MYBBP1A: variants seen among roughly 807,000 people sequenced by gnomAD.
The protein encoded by MYBBP1A is myb-binding protein 1A.
A neutral mutation model predicts 136.3 loss-of-function variants in MYBBP1A; 147 were observed. That is an observed-to-expected ratio of 1.08 (90% confidence interval 0.94 to 1.24). The LOEUF (loss-of-function observed/expected upper bound fraction) is 1.24, where lower values mean the gene tolerates loss of function less well. Among genes scored for constraint, MYBBP1A ranks in the 50% most tolerant of loss-of-function variants. The probability of loss-of-function intolerance (pLI) is 0.00; values close to 1 mark genes in which losing one functional copy is unlikely to be tolerated. For missense variants in MYBBP1A, 2,060 were observed against 1,727.4 expected (o/e 1.19, Z -3.41); for synonymous variants, 947 against 735.8 (o/e 1.29, Z -4.65).
intron 22 of MYBBP1A, 49 bp downstream of exon 22, chr17:4,542,415 G>A: frequency 6.4e-7 from 1 of 1,553,446 alleles, no homozygotes; most frequent in Non-Finnish European, 8.8e-7. Flanking sequence ...AGAGGGTTAA[G>A]CGGGTTAATT....
Position 4,539,076 on chromosome 17 carries a change from A to G in MYBBP1A, c.*339T>C. The G allele has an allele frequency of 7.2e-7, 1 of 1,391,434 alleles. No homozygotes were observed. Among genetic ancestry groups the G allele is most frequent in the Admixed American group, 1.8e-5 (1 of 56,386 alleles). 86.2% of individuals were successfully genotyped at this position (1,391,434 alleles called of 1,614,324 possible). Reference sequence around the variant, plus strand: ...CTCACAGCAAAAAAGCCTGGGGGCAAAGAGGTGGCAGGCACGAGAGATGGT... The same window carrying G: ...CTCACAGCAAAAAAGCCTGGGGGCAGAGAGGTGGCAGGCACGAGAGATGGT... On this transcript the variant is annotated 3_prime_UTR_variant, in exon 26 of 26. Transcript: ENST00000254718.
intron 9 of MYBBP1A, 105 bp from the exon 10 acceptor site, chr17:4,549,547 C>T: frequency 1.0e-6 from 1 of 967,316 alleles, no homozygotes; most frequent in Non-Finnish European, 1.6e-6. Flanking sequence ...GAGGCCAAGG[C>T]TGGCCAATCA....
rs543509319 is a variant in MYBBP1A at position 4,552,968 on chromosome 17, T to C, written c.562-342A>G. Reference sequence around the variant, plus strand: ...CCTGCCTCAGGTGGGATTAAAGGTGTGCGCCATCACACCCAGCTAATTTTT... The same window carrying C: ...CCTGCCTCAGGTGGGATTAAAGGTGCGCGCCATCACACCCAGCTAATTTTT... On this transcript the variant is annotated intron_variant, in intron 5 of 25. Coordinates refer to ENST00000254718, the MANE Select transcript of MYBBP1A (RefSeq NM_014520.4). The surrounding 1 kb of genome is among the most constrained non-coding windows in gnomAD (Gnocchi z 4.7). Among the ~76,000 whole-genome samples the C allele has an allele frequency of 8.6e-5, 13 of 151,934 alleles. No individual in the cohort carries two copies. The highest frequency in any genetic ancestry group is 1.3e-4 in the Non-Finnish European group (9 of 67,980).
Position 4,548,105 on chromosome 17 carries a change from AGC to A in MYBBP1A, c.1724+36_1724+37del. 6.2e-7 allele frequency: 1 copy of A among 1,603,086 alleles called. No individual in the cohort carries two copies. Among genetic ancestry groups the A allele is most frequent in the Non-Finnish European group, 8.5e-7 (1 of 1,178,710 alleles). On this transcript the variant is annotated intron_variant, in intron 12 of 25. Transcript: ENST00000254718. The surrounding 1 kb of genome is among the most constrained non-coding windows in gnomAD (Gnocchi z 4.2). Reference sequence around the variant, plus strand: ...CAGGCCCCTGCACCAGTCAGACTGCAGCGTCCTGCCCACCCCCTGGAAATCCC... The same window carrying A: ...CAGGCCCCTGCACCAGTCAGACTGCAGTCCTGCCCACCCCCTGGAAATCCC...
intron 17 of MYBBP1A, 39 bp from the exon 18 acceptor site, chr17:4,544,960 C>CAG (rs1379893060): frequency 1.9e-6 from 3 of 1,570,642 alleles, no homozygotes; most frequent in Non-Finnish European, 2.6e-6. Context: ...AGGCCTCGGG[C>CAG]AGGCACACAA....
In MYBBP1A at chr17:4,539,748, A is replaced by C; in HGVS notation, c.3654T>G (p.Ala1218=). ...TCCCGTTTGCCTGGGCTGGGACCTT[A>C]GCCTTTGTCCTGTTCCTCTTCTTCC... The part of the protein sequence containing the change: ...MGRKKRNRTK[A]KVPAQANGTP... The change falls in exon 26 of 26, where the codon GCT becomes GCG. Residue 1218 remains alanine, a synonymous_variant. Transcript: ENST00000254718. 1 of 1,612,826 alleles carries C rather than the reference A, an allele frequency of 6.2e-7. No homozygotes were observed. The highest frequency in any genetic ancestry group is 8.5e-7 in the Non-Finnish European group (1 of 1,179,774).
rs1385120763 is a variant in MYBBP1A, at chr17:4,545,116, C to T, written c.2220G>A (p.Gly740=). ...RSSESEEESE[G]EESEEEERDG... ...CGCGCTCCTCCTCCTCGCTCTCCTC[C>T]CCCTCGCTCTCCTCTTCACTCTCTG... The change falls in exon 17 of 26, where the codon GGG becomes GGA. Residue 740 remains glycine, a synonymous_variant. Transcript: ENST00000254718. The T allele has an allele frequency of 1.9e-6, 3 of 1,609,800 alleles. No individual in the cohort carries two copies. Among genetic ancestry groups the T allele is most frequent in the African/African-American group, 2.7e-5 (2 of 74,662 alleles).
rs1567604358 is a variant in MYBBP1A, at chr17:4,542,497, C to A, written c.3054G>T (p.Gln1018His). The change falls in exon 22 of 26, where the codon CAG (glutamine) becomes CAT (histidine). Residue 1018 changes from glutamine to histidine, a missense_variant. Gln to His is a conservative substitution (Grantham distance 24, BLOSUM62 0). Coordinates refer to ENST00000254718, the MANE Select transcript of MYBBP1A (RefSeq NM_014520.4). The stretch of plus-strand genomic sequence containing the variant: ...GGGGCCGCACCGGGCCCGTGATATG[C>A]TGGACCAGGATGGGGAGCAGGCTCT... ...LCQSLLPILV[Q>H]HITGPVRPRH... The A allele has an allele frequency of 1.9e-6, 3 of 1,612,006 alleles. No individual in the cohort carries two copies. The highest frequency in any genetic ancestry group is 1.7e-5 in the Admixed American group (1 of 59,882).
In MYBBP1A at chr17:4,548,157, G is replaced by A. The variant is rs1351213543; in HGVS notation, c.1710C>T (p.Arg570=). ...CACGTGCTCACCGGTCCCAGGCCTG[G>A]CGCTGCTGCGCAGTGAAGGGTGTCA... ...TTVTPFTAQQ[R]QAWDRMLQTL... The change falls in exon 12 of 26, where the codon CGC becomes CGT. Residue 570 remains arginine (R), a synonymous_variant. Transcript: ENST00000254718. The surrounding 1 kb of genome is among the most constrained non-coding windows in gnomAD (Gnocchi z 4.2). 1 of 1,605,092 alleles carries A rather than the reference G, an allele frequency of 6.2e-7. No individual in the cohort carries two copies. The highest frequency in any genetic ancestry group is 2.2e-5 in the East Asian group (1 of 44,878).
rs1422433160 is a variant in MYBBP1A at position 4,542,548 on chromosome 17, A to G, written c.3019-16T>C. The G allele has an allele frequency of 6.2e-7, 1 of 1,612,318 alleles. No homozygotes were observed. Among genetic ancestry groups the G allele is most frequent in the African/African-American group, 1.3e-5 (1 of 74,880 alleles). On this transcript the variant is annotated splice_polypyrimidine_tract_variant and intron_variant, in intron 21 of 25. Coordinates refer to ENST00000254718, the MANE Select transcript of MYBBP1A (RefSeq NM_014520.4). The stretch of plus-strand genomic sequence containing the variant: ...GACAGAGCACCTGGTGGGGAGTGAC[A>G]AGGGCTGTGAGGTGCAGGCTGGGCT...
intron 8 of MYBBP1A, among the ~76,000 whole-genome samples, chr17:4,551,673 C>T (rs535269172): frequency 7.9e-5 from 12 of 152,204 alleles, no homozygotes; most frequent in Admixed American, 1.3e-4. Context: ...CTCACCACTG[C>T]GCTCCAGCCT....
chr17:4,541,489 C>T lies in MYBBP1A; in HGVS notation c.3271G>A (p.Val1091Ile), dbSNP rs765036545. The stretch of plus-strand genomic sequence containing the variant: ...TCATGTTTGCAGGTCCTGAAGAGAA[C>T]GTTGAGCAGCTCCAGGGAGGACAGT... ...QALSSLELLN[V>I]LFRTCKHEKL... is the part of the protein sequence containing the mutation. Residue 1091 changes from valine (V) to isoleucine (I), a missense_variant, in exon 24 of 26, where the codon GTT (valine) becomes ATT (isoleucine). Coordinates refer to ENST00000254718, the MANE Select transcript of MYBBP1A (RefSeq NM_014520.4). The T allele has an allele frequency of 1.9e-6, 3 of 1,613,412 alleles. No homozygotes were observed. Among genetic ancestry groups the T allele is most frequent in the East Asian group, 2.2e-5 (1 of 44,892 alleles).
Position 4,554,339 on chromosome 17 carries a change from A to G in MYBBP1A, c.295-61T>C. 3 of 1,443,958 alleles carry G rather than the reference A, an allele frequency of 2.1e-6. No individual in the cohort carries two copies. The South Asian group carries it at 3.5e-5, about 17-fold the overall frequency. The allele number at this position is 1,443,958 out of a possible 1,614,324, so 89.4% of individuals were successfully genotyped here. ...AGGAGAGTGGCCCAACTACGTCTTCACAAACCTTAACCTCCCTTCCCCCTT... is the reference window on the plus strand; with the variant it reads ...AGGAGAGTGGCCCAACTACGTCTTCGCAAACCTTAACCTCCCTTCCCCCTT... On this transcript the variant is annotated intron_variant, in intron 2 of 25. Transcript: ENST00000254718.
intron 4 of MYBBP1A, 39 bp from the exon 5 acceptor site, chr17:4,553,956 C>T (rs1179107021): frequency 1.2e-6 from 2 of 1,613,568 alleles, no homozygotes; most frequent in Non-Finnish European, 1.7e-6. Flanking sequence ...GAGCAGGGCA[C>T]ACGACTGTCC....
rs140147653 is a variant in MYBBP1A at position 4,553,784 on chromosome 17, G to A, written c.561+26C>T. ...TGTCTCTGTAACAAAGTGTTGCCTGGGCCCGCACAGCTGGGGAGCTCATAC... is the reference window on the plus strand; with the variant it reads ...TGTCTCTGTAACAAAGTGTTGCCTGAGCCCGCACAGCTGGGGAGCTCATAC... On this transcript the variant is annotated intron_variant, in intron 5 of 25. Coordinates refer to ENST00000254718, the MANE Select transcript of MYBBP1A (RefSeq NM_014520.4). 4.8e-4 allele frequency: 759 copies of A among 1,587,468 alleles called. 4 individuals carry two copies. In the African/African-American group the frequency reaches 8.6e-3, roughly 18 times the overall value.
intron 19 of MYBBP1A, among the ~76,000 whole-genome samples, 171 bp downstream of exon 19, chr17:4,544,318 A>T (rs983902735): frequency 6.6e-6 from 1 of 152,150 alleles, no homozygotes; most frequent in Admixed American, 6.5e-5. Context: ...GGACTGTGGG[A>T]ATCACTAAGT....
intron 9 of MYBBP1A, 97 bp from the exon 10 acceptor site, chr17:4,549,539 G>T: frequency 1.0e-6 from 1 of 995,696 alleles, no homozygotes; most frequent in Non-Finnish European, 1.5e-6. Context: ...CACTTTGGGA[G>T]GCCAAGGCTG....
In MYBBP1A at chr17:4,545,094, G is replaced by T. The variant is rs72830101; in HGVS notation, c.2242C>A (p.Arg748Ser). 8.9e-3 allele frequency: 14,264 copies of T among 1,594,448 alleles called. 81 individuals carry two copies. The highest frequency in any genetic ancestry group is 0.011 in the Non-Finnish European group (13,088 of 1,171,610). ...AAGCCCTGATCCACGTCCCCGTCGC[G>T]CTCCTCCTCCTCGCTCTCCTCCCCC... ...SEGEESEEEERDGDVDQGFRE... is the reference protein window; with the variant it reads ...SEGEESEEEESDGDVDQGFRE... The change falls in exon 17 of 26, where the codon CGC becomes AGC. Residue 748 changes from arginine (R) to serine (S), a missense_variant. Arg to Ser is a moderately radical substitution (Grantham distance 110, BLOSUM62 -1). Coordinates refer to ENST00000254718, the MANE Select transcript of MYBBP1A (RefSeq NM_014520.4).
rs938600588 is a variant in MYBBP1A, at chr17:4,543,412, C to A, written c.2640-247G>T. ...AACAGCTCCCTGAGTGGAGGCTGCA[C>A]CAAGGGCCAACTGCCTGCCTGGGGC... is the stretch of plus-strand genomic sequence containing the variant. On this transcript the variant is annotated intron_variant, in intron 19 of 25. Coordinates refer to ENST00000254718, the MANE Select transcript of MYBBP1A (RefSeq NM_014520.4). 8 of 539,674 alleles carry A rather than the reference C, an allele frequency of 1.5e-5. No individual in the cohort carries two copies. The South Asian group carries it at 2.5e-4, about 17-fold the overall frequency. The allele number at this position is 539,674 out of a possible 1,614,324, so 33.4% of individuals were successfully genotyped here.
Sources: allele counts gnomAD v4.1 joint callset (sites outside exome capture counted in the v4.1 genomes callset), GRCh38; gene constraint gnomAD v4.1.1; non-coding constraint Gnocchi (gnomAD v3.1); transcripts MANE v1.5; gene names NCBI Gene and HGNC (gene_info 2026-07-23, HGNC 2026-07-21).